Variants in ANKFN1 observed in about 807,000 individuals in gnomAD.
ANKFN1 encodes ankyrin repeat and fibronectin type-III domain-containing protein 1.
Under a neutral mutation model 108.7 loss-of-function variants are expected in ANKFN1, and 74 were observed. The ratio of observed to expected loss-of-function variants is 0.68; its 90% CI spans 0.56 to 0.83. ANKFN1 has a LOEUF of 0.83. Ranked by LOEUF, ANKFN1 falls within the 40% of genes least tolerant of loss-of-function variation. The probability of loss-of-function intolerance (pLI) is 0.00; values close to 1 mark genes in which losing one functional copy is unlikely to be tolerated. For synonymous variants in ANKFN1, 547 were observed against 516.2 expected (o/e 1.06, Z -0.81); for missense variants, 1,505 against 1,382.3 (o/e 1.09, Z -1.41).
chr17:56,225,573 C>T (rs1208319231), intron 2 of ANKFN1, among the ~76,000 whole-genome samples: 1 of 152,218 alleles, frequency 6.6e-6, no homozygotes, highest in Non-Finnish European at 1.5e-5. Flanking sequence ...TAGGGCCCAA[C>T]ACAGTGCCTT....
At chr17:56,399,408 C>T (rs903603981) in intron 8 of ANKFN1, among the ~76,000 whole-genome samples, 26 of 151,810 alleles carry the variant, frequency 1.7e-4, no homozygotes, top group Admixed American at 5.9e-4. Flanking sequence ...GACAAATATT[C>T]ATAACAATGG....
At chr17:56,419,690 A>G (rs932334503) in intron 8 of ANKFN1, among the ~76,000 whole-genome samples, 4 of 151,786 alleles carry the variant, frequency 2.6e-5, no homozygotes, top group Admixed American at 6.6e-5. Context: ...AGTATCTACT[A>G]CTACAGCCTA....
Position 56,341,230 on chromosome 17 carries a change from A to G in ANKFN1, c.189-9536A>G, listed in dbSNP as rs930676394. ...TGAGACTGTGGGATTTTCTAGATAT[A>G]AGATCATATCATCTGCAAACAGGGA... On this transcript the variant is annotated intron_variant, in intron 4 of 20. Transcript: ENST00000682825. Among the ~76,000 whole-genome samples, 3 of 152,128 alleles carry G rather than the reference A, an allele frequency of 2.0e-5. No individual in the cohort carries two copies. In the East Asian group the frequency reaches 5.8e-4, roughly 29 times the overall value.
chr17:56,170,807 T>TATATATACACACACACACACACACACAC (rs1361307404), intron 1 of ANKFN1, among the ~76,000 whole-genome samples: 3 of 61,462 alleles, frequency 4.9e-5, no homozygotes, highest in Non-Finnish European at 8.4e-5. Context: ...TATATATATA[T>TATATATACACACACACACACACACACAC]ACACACACAC....
intron 8 of ANKFN1, among the ~76,000 whole-genome samples, chr17:56,400,991 C>T (rs2047743497): frequency 1.3e-5 from 2 of 152,066 alleles, no homozygotes; most frequent in South Asian, 2.1e-4. Context: ...TGACTATGGC[C>T]TTATAGTGTA....
chr17:56,401,016 A>G (rs1313419958), intron 8 of ANKFN1, among the ~76,000 whole-genome samples: 1 of 152,152 alleles, frequency 6.6e-6, no homozygotes, highest in African/African-American at 2.4e-5. Context: ...GAAATCAGGT[A>G]GTGTGATGCC....
intron 19 of ANKFN1, among the ~76,000 whole-genome samples, chr17:56,497,440 A>G (rs1331760828): frequency 2.0e-5 from 3 of 152,246 alleles, no homozygotes; most frequent in East Asian, 3.9e-4. Flanking sequence ...AAGACCATAC[A>G]CTGCCATTCA....
At chr17:56,485,473 A>G (rs1256606794) in intron 18 of ANKFN1, among the ~76,000 whole-genome samples, 1 of 152,168 alleles carries the variant, frequency 6.6e-6, no homozygotes, top group Non-Finnish European at 1.5e-5. Flanking sequence ...AGCAAGAAAG[A>G]TAGGAGATGA....
intron 1 of ANKFN1, among the ~76,000 whole-genome samples, chr17:56,158,323 C>A (rs1233891361): frequency 6.6e-6 from 1 of 152,190 alleles, no homozygotes; most frequent in African/African-American, 2.4e-5. Flanking sequence ...TCCTCCCAAC[C>A]CAAGACCTTT....
chr17:56,095,111 G>T (rs1455928890), intron 4 of ANKFN1, among the ~76,000 whole-genome samples: 10 of 150,920 alleles, frequency 6.6e-5, no homozygotes, highest in Admixed American at 2.0e-4. Flanking sequence ...GCAAGCAAAA[G>T]AATACAGATG....
chr17:56,479,300 T>G (rs2050615567), intron 16 of ANKFN1, among the ~76,000 whole-genome samples: 2 of 152,218 alleles, frequency 1.3e-5, no homozygotes, highest in Non-Finnish European at 2.9e-5. Flanking sequence ...CTACCGGTAA[T>G]TTATTTTCTA....
chr17:56,286,686 A>G (rs1191447377), intron 3 of ANKFN1, among the ~76,000 whole-genome samples: 1 of 152,110 alleles, frequency 6.6e-6, no homozygotes, highest in Admixed American at 6.5e-5. Context: ...CTCTCAAGTC[A>G]CATAGCATGA....
At chr17:56,426,894 C>T (rs1175027539) in intron 8 of ANKFN1, among the ~76,000 whole-genome samples, 1 of 152,198 alleles carries the variant, frequency 6.6e-6, no homozygotes, top group Non-Finnish European at 1.5e-5. Context: ...GAGAACAAGA[C>T]TCTTTGTTTC....
chr17:56,121,267 G>C (rs1192909733), intron 4 of ANKFN1, among the ~76,000 whole-genome samples: 1 of 151,562 alleles, frequency 6.6e-6, no homozygotes, highest in Non-Finnish European at 1.5e-5. Flanking sequence ...TGCTCATATA[G>C]TTTCACTCAA....
At chr17:56,413,188 G>C (rs1290772446) in intron 8 of ANKFN1, among the ~76,000 whole-genome samples, 1 of 152,062 alleles carries the variant, frequency 6.6e-6, no homozygotes, top group Non-Finnish European at 1.5e-5. Context: ...TGTGGCAATT[G>C]TGAATGGGAG....
At chr17:56,121,211 T>C (rs1233883651) in intron 4 of ANKFN1, among the ~76,000 whole-genome samples, 1 of 152,076 alleles carries the variant, frequency 6.6e-6, no homozygotes, top group African/African-American at 2.4e-5. Context: ...GTTCTACTTG[T>C]TTTTTTCTTG....
intron 4 of ANKFN1, among the ~76,000 whole-genome samples, chr17:56,134,172 A>G (rs1388670148): frequency 6.6e-6 from 1 of 152,170 alleles, no homozygotes; most frequent in Non-Finnish European, 1.5e-5. Context: ...ATATAGATGA[A>G]CAGGCAGGTG....
chr17:56,352,470 C>G (rs1027427503), intron 5 of ANKFN1, among the ~76,000 whole-genome samples: 2 of 152,108 alleles, frequency 1.3e-5, no homozygotes, highest in Non-Finnish European at 2.9e-5. Flanking sequence ...TTTTAAAGAC[C>G]AAGCAACTCT....
At chr17:56,138,352 A>G (rs748612664) in intron 4 of ANKFN1, among the ~76,000 whole-genome samples, 1 of 152,210 alleles carries the variant, frequency 6.6e-6, no homozygotes, top group Non-Finnish European at 1.5e-5. Flanking sequence ...CACTGGAGAC[A>G]CTAAAAACAG....
Sources: gnomAD v4.1 joint callset for allele counts (sites outside exome capture counted in the v4.1 genomes callset) on GRCh38, gnomAD v4.1.1 for gene constraint, MANE v1.5 for transcripts, NCBI Gene and HGNC (gene_info 2026-07-23, HGNC 2026-07-21) for gene names.